The following MINDY2 variants were observed in gnomAD, a reference collection of about 807,000 sequenced individuals.
The protein encoded by MINDY2 is ubiquitin carboxyl-terminal hydrolase MINDY-2.
In MINDY2, 52 loss-of-function variants were observed where a neutral mutation model predicts 68.2. That is an observed-to-expected ratio of 0.76 (90% confidence interval 0.61 to 0.96). The LOEUF is 0.96. MINDY2 is among the 40% of genes least tolerant of loss of function. The pLI is 0.00. For missense variants in MINDY2, 881 were observed against 773.4 expected, an observed-to-expected ratio of 1.14 and a Z score of -1.65; for synonymous variants, 372 against 303.0, an observed-to-expected ratio of 1.23 and a Z score of -2.36.
intron 8 of MINDY2, among the ~76,000 whole-genome samples, chr15:58,852,287 C>CAAAAAAAAAAAAAAAAAAGAA (rs2032858147): frequency 1.6e-5 from 1 of 61,932 alleles, no homozygotes; most frequent in South Asian, 1.0e-3. Context: ...GACTCCTTCT[C>CAAAAAAAAAAAAAAAAAAGAA]AAAAAAAAAA....
intron 1 of MINDY2, among the ~76,000 whole-genome samples, chr15:58,785,345 T>C (rs432978): frequency 0.018 from 2,679 of 152,170 alleles, 71 homozygotes; most frequent in African/African-American, 0.054. Context: ...GTCGAAATAT[T>C]TGTGTATTTG....
chr15:58,772,316 T>C, intron 1 of MINDY2, 81 bp downstream of exon 1: 1 of 1,568,234 alleles, frequency 6.4e-7, no homozygotes, highest in Non-Finnish European at 8.6e-7. Flanking sequence ...TGTCAGGTGA[T>C]GGCTTCCTTT....
intron 6 of MINDY2, among the ~76,000 whole-genome samples, chr15:58,834,165 G>C (rs1196378263): frequency 6.6e-6 from 1 of 152,154 alleles, no homozygotes; most frequent in Admixed American, 6.5e-5. Flanking sequence ...CACAGGGTTG[G>C]GGGTAGGGTT....
intron 6 of MINDY2, among the ~76,000 whole-genome samples, chr15:58,837,898 G>T (rs990063943): frequency 2.2e-5 from 3 of 138,872 alleles, no homozygotes; most frequent in South Asian, 2.3e-4. Flanking sequence ...GAGTCCAGGA[G>T]ATCGAAGCTA....
Position 58,856,316 on chromosome 15 carries a change from G to C in MINDY2, c.*1706G>C, listed in dbSNP as rs1183430389. On this transcript the variant is annotated 3_prime_UTR_variant, in exon 9 of 9. Coordinates refer to ENST00000559228, the MANE Select transcript of MINDY2 (RefSeq NM_001040450.3). ...AAAGACCACAAAAATGTGTGGTCTG[G>C]ATTTTTTCAACTATGTCATTAACTT... 6.6e-6 allele frequency: 1 copy of C among 152,500 alleles called. No individual in the cohort carries two copies. The highest frequency in any genetic ancestry group is 1.5e-5 in the Non-Finnish European group (1 of 68,018). The allele number at this position is 152,500 out of a possible 1,614,324, so 9.4% of individuals were successfully genotyped here. A position where few individuals can be genotyped will look rare whatever the true frequency, so the allele number is the denominator to read the frequency against.
chr15:58,846,465 C>T (rs1418169059), intron 6 of MINDY2, among the ~76,000 whole-genome samples: 2 of 151,992 alleles, frequency 1.3e-5, no homozygotes, highest in African/African-American at 2.4e-5. Context: ...TGATGGCACA[C>T]GCCTGTAGTC....
At chr15:58,806,168 G>A (rs1902997169) in intron 3 of MINDY2, among the ~76,000 whole-genome samples, 1 of 152,016 alleles carries the variant, frequency 6.6e-6, no homozygotes, top group African/African-American at 2.4e-5. Flanking sequence ...CCGCCTTTCA[G>A]GTTCAAGAGA....
intron 8 of MINDY2, 55 bp downstream of exon 8, chr15:58,852,020 C>G (rs1034871331): frequency 7.4e-7 from 1 of 1,352,064 alleles, no homozygotes; most frequent in Admixed American, 2.4e-5. Flanking sequence ...GGTGTAGTGG[C>G]TCACACCTGT....
chr15:58,798,487 C>T (rs1358243726), intron 2 of MINDY2, among the ~76,000 whole-genome samples: 2 of 148,932 alleles, frequency 1.3e-5, no homozygotes, highest in Non-Finnish European at 3.0e-5. Flanking sequence ...CAGAGTTTCA[C>T]TCTTGTCACC....
chr15:58,777,494 C>G (rs1300293655), intron 1 of MINDY2, among the ~76,000 whole-genome samples: 1 of 152,114 alleles, frequency 6.6e-6, no homozygotes, highest in African/African-American at 2.4e-5. Flanking sequence ...AAGTAGTTGG[C>G]TAGGCAGTGT....
At chr15:58,808,242 A>C (rs1422784894) in intron 3 of MINDY2, among the ~76,000 whole-genome samples, 1 of 152,128 alleles carries the variant, frequency 6.6e-6, no homozygotes, top group Non-Finnish European at 1.5e-5. Flanking sequence ...CAGAGTCTAT[A>C]ATTTACTCTT....
intron 7 of MINDY2, among the ~76,000 whole-genome samples, chr15:58,848,635 A>C (rs1442130291): frequency 4.6e-5 from 7 of 152,034 alleles, no homozygotes; most frequent in Non-Finnish European, 8.8e-5. Context: ...AGTCGCAGCT[A>C]CTCAGGAGGC....
chr15:58,775,981 G>A lies in MINDY2; in HGVS notation c.840+3746G>A, dbSNP rs375740068. Reference sequence around the variant, plus strand: ...GGGTTCAAGTGATTCTCCTGTCTCAGCCTCTCGAGTAGCTGGAATACAGAT... The same window carrying A: ...GGGTTCAAGTGATTCTCCTGTCTCAACCTCTCGAGTAGCTGGAATACAGAT... On this transcript the variant is annotated intron_variant, in intron 1 of 8. Transcript: ENST00000559228. Among the ~76,000 whole-genome samples, 9 of 151,474 alleles carry A rather than the reference G, an allele frequency of 5.9e-5. No homozygotes were observed. The East Asian group carries it at 9.7e-4, about 16-fold the overall frequency.
intron 6 of MINDY2, among the ~76,000 whole-genome samples, chr15:58,838,894 G>A (rs1432323120): frequency 2.0e-5 from 3 of 151,536 alleles, no homozygotes; most frequent in Admixed American, 6.6e-5. Context: ...TTTTTATTAC[G>A]ACTTTTCAGA....
intron 3 of MINDY2, among the ~76,000 whole-genome samples, 185 bp downstream of exon 3, chr15:58,802,562 T>C (rs1017727776): frequency 3.3e-5 from 5 of 152,252 alleles, no homozygotes; most frequent in South Asian, 4.1e-4. Flanking sequence ...TCTTTAAAAA[T>C]ATGAAATCCA....
chr15:58,814,822 C>T (rs1408890771), intron 4 of MINDY2, among the ~76,000 whole-genome samples: 8 of 133,268 alleles, frequency 6.0e-5, no homozygotes, highest in East Asian at 2.3e-4. Flanking sequence ...TTAGAAACGG[C>T]GTGTCACTGT....
chr15:58,792,282 A>G (rs1901993183), intron 2 of MINDY2, among the ~76,000 whole-genome samples: 1 of 152,242 alleles, frequency 6.6e-6, no homozygotes, highest in African/African-American at 2.4e-5. Flanking sequence ...TTTACCCAAG[A>G]GAAGTGAAAA....
At chr15:58,822,729 A>G (rs1394549349) in intron 5 of MINDY2, among the ~76,000 whole-genome samples, 3 of 152,170 alleles carry the variant, frequency 2.0e-5, no homozygotes, top group Admixed American at 6.6e-5. Context: ...ACAGAATGCT[A>G]TCAAAAGGCA....
chr15:58,794,965 A>G (rs1255123503), intron 2 of MINDY2, among the ~76,000 whole-genome samples: 1 of 151,924 alleles, frequency 6.6e-6, no homozygotes, highest in African/African-American at 2.4e-5. Context: ...AGGTGGGCTG[A>G]TCACGAGGTC....
Sources: gnomAD v4.1 joint callset for allele counts (sites outside exome capture counted in the v4.1 genomes callset) on GRCh38, gnomAD v4.1.1 for gene constraint, MANE v1.5 for transcripts, NCBI Gene and HGNC (gene_info 2026-07-23, HGNC 2026-07-21) for gene names.